UNC13C: variants seen among roughly 807,000 people sequenced by gnomAD.
UNC13C encodes the protein protein unc-13 homolog C.
A neutral mutation model predicts 245.4 loss-of-function variants in UNC13C; 174 were observed. That is an observed-to-expected ratio of 0.71 (90% confidence interval 0.63 to 0.80). UNC13C has a LOEUF of 0.80. Ranked by LOEUF, UNC13C falls within the 30% of genes least tolerant of loss-of-function variation. The pLI, the probability that UNC13C is intolerant of heterozygous loss-of-function variation, is 0.00. For synonymous variants in UNC13C, 992 were observed against 895.1 expected (o/e 1.11, Z -1.93); for missense variants, 2,829 against 2,602.9 (o/e 1.09, Z -1.89).
At position 54,505,866 on chromosome 15, in the gene UNC13C, G is replaced by A. The variant is rs142759630; in HGVS notation, c.5302-1251G>A. Among the ~76,000 whole-genome samples the A allele has an allele frequency of 1.6e-3, 235 of 151,128 alleles. 1 individual carries two copies. The highest frequency in any genetic ancestry group is 5.3e-3 in the African/African-American group (219 of 41,060). On this transcript the variant is annotated intron_variant, in intron 22 of 32. Coordinates refer to ENST00000260323, the MANE Select transcript of UNC13C (RefSeq NM_001080534.3). Reference sequence around the variant, plus strand: ...ACTTGCTAACCATTGGCATTTGTAGGCTATTACGTGTGAGATCCCAGGATT... The same window carrying A: ...ACTTGCTAACCATTGGCATTTGTAGACTATTACGTGTGAGATCCCAGGATT...
intron 2 of UNC13C, among the ~76,000 whole-genome samples, chr15:54,066,186 A>G (rs1287868185): frequency 2.0e-5 from 3 of 152,196 alleles, no homozygotes; most frequent in African/African-American, 7.2e-5. Flanking sequence ...ATATGCATGG[A>G]TCATCTGAAT....
At chr15:54,064,015 A>G (rs1052225399) in intron 2 of UNC13C, among the ~76,000 whole-genome samples, 2 of 152,154 alleles carry the variant, frequency 1.3e-5, no homozygotes, top group Non-Finnish European at 2.9e-5. Flanking sequence ...AGATGGATTT[A>G]TAGAGCTTTC....
intron 28 of UNC13C, among the ~76,000 whole-genome samples, chr15:54,555,156 T>A (rs62022209): frequency 0.061 from 9,314 of 152,062 alleles, 393 homozygotes; most frequent in Admixed American, 0.13. Flanking sequence ...ATTTTCCAGG[T>A]TTCTCTCTTT....
chr15:54,456,425 A>G (rs1891528941), intron 19 of UNC13C, among the ~76,000 whole-genome samples: 1 of 151,968 alleles, frequency 6.6e-6, no homozygotes, highest in Non-Finnish European at 1.5e-5. Flanking sequence ...CATTGAATAT[A>G]TAGATTGCTT....
chr15:54,221,781 G>C (rs914980668), intron 4 of UNC13C, among the ~76,000 whole-genome samples: 2 of 152,018 alleles, frequency 1.3e-5, no homozygotes, highest in African/African-American at 4.8e-5. Context: ...AACTCCTTCA[G>C]ATACAGAGTA....
At chr15:54,286,290 C>A (rs1228202599) in intron 10 of UNC13C, among the ~76,000 whole-genome samples, 2 of 152,184 alleles carry the variant, frequency 1.3e-5, no homozygotes, top group Non-Finnish European at 2.9e-5. Flanking sequence ...TTTAGATATT[C>A]TTAACAAACG....
intron 1 of UNC13C, among the ~76,000 whole-genome samples, chr15:54,004,475 T>C (rs1206256961): frequency 6.6e-6 from 1 of 152,234 alleles, no homozygotes; most frequent in Non-Finnish European, 1.5e-5. Context: ...AGGCATGGGA[T>C]TGCAGATATC....
At chr15:53,995,239 GA>G (rs1447796085) in intron 1 of UNC13C, among the ~76,000 whole-genome samples, 2 of 152,042 alleles carry the variant, frequency 1.3e-5, no homozygotes, top group African/African-American at 2.4e-5. Context: ...GAAGAAAGGG[GA>G]AAAAAAGTCT....
At chr15:54,181,041 T>G (rs926641085) in intron 4 of UNC13C, among the ~76,000 whole-genome samples, 1 of 152,010 alleles carries the variant, frequency 6.6e-6, no homozygotes, top group Non-Finnish European at 1.5e-5. Flanking sequence ...AAAATTGCTT[T>G]TGAGGACTTA....
At position 54,013,055 on chromosome 15, in the gene UNC13C, A is replaced by G; in HGVS notation, c.152A>G (p.Lys51Arg). The G allele has an allele frequency of 6.2e-7, 1 of 1,613,934 alleles. No individual in the cohort carries two copies. Among genetic ancestry groups the G allele is most frequent in the Non-Finnish European group, 8.5e-7 (1 of 1,179,862 alleles). The change falls in exon 2 of 33, where the codon AAA (lysine) becomes AGA (arginine). Residue 51 changes from lysine to arginine, a missense_variant. Coordinates refer to ENST00000260323, the MANE Select transcript of UNC13C (RefSeq NM_001080534.3). ...GACTTCCCCACTGCTGGCCAGACCA[A>G]ATCCCCCAAATTTTCTTACACTTTT... ...DQDFPTAGQT[K>R]SPKFSYTFKS...
chr15:54,224,533 T>C (rs1264173259), intron 4 of UNC13C, among the ~76,000 whole-genome samples: 2 of 152,174 alleles, frequency 1.3e-5, no homozygotes, highest in African/African-American at 4.8e-5. Flanking sequence ...TTCGGTTTGC[T>C]AGTATTTTGT....
chr15:54,084,802 T>C (rs771864072), intron 2 of UNC13C, among the ~76,000 whole-genome samples: 1 of 152,198 alleles, frequency 6.6e-6, no homozygotes, highest in Non-Finnish European at 1.5e-5. Flanking sequence ...ATAGATGAGA[T>C]CCTAATGCCA....
Position 54,186,855 on chromosome 15 carries a change from A to ATATATATT in UNC13C, c.3071+43172_3071+43173insATATATTT, listed in dbSNP as rs549150061. Among the ~76,000 whole-genome samples the ATATATATT allele has an allele frequency of 2.7e-5, 4 of 146,826 alleles. No homozygotes were observed. The East Asian group carries it at 6.0e-4, about 22-fold the overall frequency. ...GAACATAATATATATGTATATATAT[A>ATATATATT]TTTTGTTTTTTGAGACAGAGTCTTG... On this transcript the variant is annotated intron_variant, in intron 4 of 32. Transcript: ENST00000260323.
chr15:53,843,126 T>A, the UNC13C span, among the ~76,000 whole-genome samples: 2 of 152,148 alleles, frequency 1.3e-5, no homozygotes, highest in Admixed American at 6.5e-5. Flanking sequence ...TTCTGAACAA[T>A]GAATTGGGTC....
At chr15:53,942,908 C>T in the UNC13C span, among the ~76,000 whole-genome samples, 3 of 152,248 alleles carry the variant, frequency 2.0e-5, no homozygotes, top group Admixed American at 2.0e-4. Context: ...AGTGATCCAC[C>T]TGCCTTGGTC....
chr15:54,508,131 A>G (rs1390864191), intron 23 of UNC13C, among the ~76,000 whole-genome samples: 4 of 151,658 alleles, frequency 2.6e-5, no homozygotes, highest in African/African-American at 9.7e-5. Flanking sequence ...AACTCAAACA[A>G]TTATTTCTTA....
At position 54,014,179 on chromosome 15, in the gene UNC13C, A is replaced by T. The variant is rs1403078604; in HGVS notation, c.1276A>T (p.Thr426Ser). The T allele has an allele frequency of 1.2e-6, 2 of 1,613,802 alleles. No individual in the cohort carries two copies. The highest frequency in any genetic ancestry group is 1.3e-5 in the African/African-American group (1 of 74,922). Residue 426 changes from threonine (T) to serine (S), a missense_variant, in exon 2 of 33, where the codon ACA becomes TCA. Physicochemically the swap from Thr to Ser is moderately conservative, Grantham distance 58. Coordinates refer to ENST00000260323, the MANE Select transcript of UNC13C (RefSeq NM_001080534.3). ...RKEKGIPSSQTYESMAIKLST... is the reference protein window; with the variant it reads ...RKEKGIPSSQSYESMAIKLST... Reference sequence around the variant, plus strand: ...AGAGAAAGGGATACCATCCTCCCAGACATATGAGAGCATGGCTATAAAGTT... The same window carrying T: ...AGAGAAAGGGATACCATCCTCCCAGTCATATGAGAGCATGGCTATAAAGTT...
intron 2 of UNC13C, among the ~76,000 whole-genome samples, chr15:54,111,876 A>G (rs1482199727): frequency 6.6e-6 from 1 of 152,108 alleles, no homozygotes; most frequent in Non-Finnish European, 1.5e-5. Flanking sequence ...CAACCTTTCA[A>G]AGTTGGCATG....
chr15:54,083,213 C>A (rs1267826026), intron 2 of UNC13C, among the ~76,000 whole-genome samples: 1 of 152,130 alleles, frequency 6.6e-6, no homozygotes, highest in Non-Finnish European at 1.5e-5. Flanking sequence ...CCTATCATGG[C>A]CCTGTTGCAG....
Sources: allele counts gnomAD v4.1 joint callset (sites outside exome capture counted in the v4.1 genomes callset), GRCh38; gene constraint gnomAD v4.1.1; transcripts MANE v1.5; gene names NCBI Gene and HGNC (gene_info 2026-07-23, HGNC 2026-07-21).